Variants in SIAH3 observed in about 807,000 individuals in gnomAD.
SIAH3 encodes the protein siah E3 ubiquitin protein ligase family member 3, also known as seven in absentia homolog 3.
SIAH3 carries 9 observed loss-of-function variants against 12.6 expected under a neutral mutation model. The ratio of observed to expected loss-of-function variants is 0.72; its 90% CI spans 0.43 to 1.25. The LOEUF is 1.25. Among genes scored for constraint, SIAH3 ranks in the 50% most tolerant of loss-of-function variants. The probability of loss-of-function intolerance (pLI) is 0.00; values close to 1 mark genes in which losing one functional copy is unlikely to be tolerated. For synonymous variants in SIAH3, 154 were observed against 151.1 expected, an observed-to-expected ratio of 1.02 and a Z score of -0.14; for missense variants, 390 against 365.4, an observed-to-expected ratio of 1.07 and a Z score of -0.55.
chr13:45,806,994 T>C (rs1357185374), intron 1 of SIAH3, among the ~76,000 whole-genome samples: 1 of 152,166 alleles, frequency 6.6e-6, no homozygotes, highest in Admixed American at 6.5e-5. Flanking sequence ...GAAAAAATCA[T>C]AAAATTTGAA....
At chr13:45,840,012 C>T (rs1014020924) in intron 1 of SIAH3, among the ~76,000 whole-genome samples, 2 of 152,174 alleles carry the variant, frequency 1.3e-5, no homozygotes, top group African/African-American at 4.8e-5. Flanking sequence ...AATCCCAGCA[C>T]TTCGGGAGGC....
At chr13:45,822,520 A>AATATATATATATATATATATATATATAT (rs36106322) in intron 1 of SIAH3, among the ~76,000 whole-genome samples, 10 of 85,402 alleles carry the variant, frequency 1.2e-4, no homozygotes, top group East Asian at 3.7e-4. Context: ...TTCATTATCA[A>AATATATATATATATATATATATATATAT]ATATATATAT....
chr13:45,820,301 C>T (rs1410743120), intron 1 of SIAH3, among the ~76,000 whole-genome samples: 5 of 152,228 alleles, frequency 3.3e-5, no homozygotes, highest in Admixed American at 1.3e-4. Flanking sequence ...GAAGCTTTGA[C>T]GAGTGAGCCA....
At chr13:45,814,207 C>G (rs1388772911) in intron 1 of SIAH3, among the ~76,000 whole-genome samples, 1 of 135,134 alleles carries the variant, frequency 7.4e-6, no homozygotes, top group Non-Finnish European at 1.5e-5. Flanking sequence ...CCACTACACT[C>G]TAGCCTGGGT....
intron 1 of SIAH3, among the ~76,000 whole-genome samples, chr13:45,806,032 TC>T (rs1950597276): frequency 1.3e-5 from 2 of 152,050 alleles, no homozygotes; most frequent in Admixed American, 1.3e-4. Context: ...TGCCATTTTG[TC>T]CCCATCAGAA....
intron 1 of SIAH3, among the ~76,000 whole-genome samples, chr13:45,790,379 A>G (rs1536183): frequency 0.83 from 126,295 of 152,128 alleles, 52,759 homozygotes; most frequent in Admixed American, 0.88. Flanking sequence ...CATAGACACC[A>G]GTCCTATGAT....
chr13:45,821,719 T>C (rs986856573), intron 1 of SIAH3, among the ~76,000 whole-genome samples: 6 of 152,206 alleles, frequency 3.9e-5, no homozygotes, highest in Non-Finnish European at 7.3e-5. Context: ...TACCTAGACA[T>C]GGCCCCTAGG....
At chr13:45,796,738 G>A (rs1435011627) in intron 1 of SIAH3, among the ~76,000 whole-genome samples, 1 of 152,220 alleles carries the variant, frequency 6.6e-6, no homozygotes, top group Admixed American at 6.5e-5. Flanking sequence ...CCCTGACTTT[G>A]TGTAAATGCC....
intron 1 of SIAH3, among the ~76,000 whole-genome samples, chr13:45,816,040 A>G (rs1950633302): frequency 6.6e-6 from 1 of 152,208 alleles, no homozygotes; most frequent in Non-Finnish European, 1.5e-5. Flanking sequence ...AGAGGTGAGG[A>G]AACCGAGGCA....
chr13:45,789,127 G>A (rs959603868), intron 1 of SIAH3, among the ~76,000 whole-genome samples: 21 of 152,118 alleles, frequency 1.4e-4, no homozygotes, highest in African/African-American at 5.1e-4. Context: ...CTTCCAAACA[G>A]GTAAGAAATA....
chr13:45,842,568 C>T (rs1950743879), intron 1 of SIAH3, among the ~76,000 whole-genome samples: 1 of 152,100 alleles, frequency 6.6e-6, no homozygotes. Flanking sequence ...AGGCTGGTCT[C>T]GAACCCCTGG....
chr13:45,835,704 C>T (rs1330780371), intron 1 of SIAH3, among the ~76,000 whole-genome samples: 1 of 152,172 alleles, frequency 6.6e-6, no homozygotes, highest in African/African-American at 2.4e-5. Context: ...CCTTATATAT[C>T]ATCTACCCCA....
rs1950782960 is a variant in SIAH3 at position 45,851,687 on chromosome 13, G to A, written c.-58C>T. ...GCAGCGGAGGAAGCTGTGAGTCCTT[G>A]GGCCCTGGAAGGAGCGCAGCCTCTG... On this transcript the variant is annotated 5_prime_UTR_variant, in exon 1 of 2. Transcript: ENST00000400405. The A allele has an allele frequency of 6.2e-7, 1 of 1,610,262 alleles. No individual in the cohort carries two copies. Among genetic ancestry groups the A allele is most frequent in the African/African-American group, 1.3e-5 (1 of 74,264 alleles).
intron 1 of SIAH3, among the ~76,000 whole-genome samples, chr13:45,848,117 G>A (rs964115772): frequency 1.3e-5 from 2 of 152,162 alleles, no homozygotes; most frequent in African/African-American, 2.4e-5. Context: ...AGGAGCAGGC[G>A]CCCTCATGAG....
intron 1 of SIAH3, among the ~76,000 whole-genome samples, chr13:45,845,158 C>T (rs916196677): frequency 6.6e-6 from 1 of 150,878 alleles, no homozygotes; most frequent in Non-Finnish European, 1.5e-5. Flanking sequence ...TGTGTAGAGA[C>T]TTTCAGAGAG....
chr13:45,832,911 C>G (rs1250746684), intron 1 of SIAH3, among the ~76,000 whole-genome samples: 1 of 152,198 alleles, frequency 6.6e-6, no homozygotes, highest in Non-Finnish European at 1.5e-5. Flanking sequence ...TCTGATCATC[C>G]AAGTCCTGTT....
chr13:45,814,390 G>T (rs1950627118), intron 1 of SIAH3, among the ~76,000 whole-genome samples: 1 of 152,104 alleles, frequency 6.6e-6, no homozygotes, highest in Non-Finnish European at 1.5e-5. Flanking sequence ...AAGTGCCACG[G>T]TGTGGGGTGG....
rs763012140 is a variant in SIAH3 at position 45,783,518 on chromosome 13, C to T, written c.675G>A (p.Val225=). ...EATPRSVLEC[V]DSVITDGDCL... is the part of the protein sequence containing the mutation. ...AGTCCCCGTCCGTAATCACCGAGTCCACGCACTCAAGAACAGACCGGGGCG... is the reference window on the plus strand; with the variant it reads ...AGTCCCCGTCCGTAATCACCGAGTCTACGCACTCAAGAACAGACCGGGGCG... The change falls in exon 2 of 2, where the codon GTG becomes GTA. Residue 225 remains valine, a synonymous_variant. Coordinates refer to ENST00000400405, the MANE Select transcript of SIAH3 (RefSeq NM_198849.3). 4.3e-6 allele frequency: 7 copies of T among 1,614,102 alleles called. No homozygotes were observed. Among genetic ancestry groups the T allele is most frequent in the Non-Finnish European group, 5.9e-6 (7 of 1,180,058 alleles).
At position 45,784,190 on chromosome 13, in the gene SIAH3, A is replaced by AAC; in HGVS notation, c.136-135_136-134dup. The AAC allele has an allele frequency of 1.3e-5, 8 of 620,576 alleles. No homozygotes were observed. The South Asian group carries it at 1.9e-4, about 14-fold the overall frequency. The allele number at this position is 620,576 out of a possible 1,614,324, so 38.4% of individuals were successfully genotyped here. A position where few individuals can be genotyped will look rare whatever the true frequency, so the allele number is the denominator to read the frequency against. ...AGAAAGGTTCATTTCTTAAACAACA[A>AAC]ACAAACAAACAAACAAACAAACAAA... On this transcript the variant is annotated intron_variant, in intron 1 of 1. Coordinates refer to ENST00000400405, the MANE Select transcript of SIAH3 (RefSeq NM_198849.3).
Sources: gnomAD v4.1 joint callset for allele counts (sites outside exome capture counted in the v4.1 genomes callset) on GRCh38, gnomAD v4.1.1 for gene constraint, MANE v1.5 for transcripts, NCBI Gene and HGNC (gene_info 2026-07-23, HGNC 2026-07-21) for gene names.